Variants in SH3GL2 observed in about 807,000 individuals in gnomAD.
SH3GL2 encodes the protein SH3 domain containing GRB2 like 2, endophilin A1.
In SH3GL2, 24 loss-of-function variants were observed where a neutral mutation model predicts 46.0. That is an observed-to-expected ratio of 0.52 (90% CI 0.38 to 0.73). The LOEUF is 0.73. Ranked by LOEUF, SH3GL2 falls within the 30% of genes least tolerant of loss-of-function variation. The probability of loss-of-function intolerance (pLI) is 0.00; values close to 1 mark genes in which losing one functional copy is unlikely to be tolerated. For missense variants in SH3GL2, 413 were observed against 424.2 expected (o/e 0.97, Z 0.23); for synonymous variants, 196 against 147.1 (o/e 1.33, Z -2.40).
intron 1 of SH3GL2, among the ~76,000 whole-genome samples, chr9:17,689,901 C>T (rs923012281): frequency 3.3e-5 from 5 of 152,140 alleles, no homozygotes; most frequent in African/African-American, 1.2e-4. Flanking sequence ...CACATGAATT[C>T]GGGGACTTTG....
intron 4 of SH3GL2, 75 bp downstream of exon 4, chr9:17,786,599 G>A (rs1184996924): frequency 6.8e-6 from 10 of 1,460,088 alleles, no homozygotes; most frequent in South Asian, 1.2e-5. Flanking sequence ...AAATTCTGTA[G>A]GGAATCGGTC....
chr9:17,778,949 A>G (rs1367752109), intron 3 of SH3GL2, among the ~76,000 whole-genome samples: 4 of 152,064 alleles, frequency 2.6e-5, no homozygotes, highest in African/African-American at 9.7e-5. Flanking sequence ...TTTAGTTTGA[A>G]TATGTTAAGT....
At chr9:17,691,498 A>G (rs1285897883) in intron 1 of SH3GL2, among the ~76,000 whole-genome samples, 2 of 152,228 alleles carry the variant, frequency 1.3e-5, no homozygotes, top group East Asian at 3.9e-4. Flanking sequence ...ATCCCTATCT[A>G]ATTGATTTTT....
intron 1 of SH3GL2, among the ~76,000 whole-genome samples, chr9:17,626,945 G>C (rs572634246): frequency 6.6e-6 from 1 of 152,218 alleles, no homozygotes; most frequent in East Asian, 1.9e-4. Flanking sequence ...CCCATTACTG[G>C]TTCCCTGAGC....
chr9:17,593,197 G>A (rs1240374071), intron 1 of SH3GL2, among the ~76,000 whole-genome samples: 3 of 152,206 alleles, frequency 2.0e-5, no homozygotes, highest in Non-Finnish European at 2.9e-5. Flanking sequence ...TGAGTTCCGT[G>A]TGCTGCTCTG....
intron 2 of SH3GL2, among the ~76,000 whole-genome samples, chr9:17,756,766 A>T (rs1280335975): frequency 1.3e-5 from 2 of 152,078 alleles, no homozygotes; most frequent in Non-Finnish European, 2.9e-5. Context: ...TGCTGTTGTG[A>T]ATAGTGCCGC....
chr9:17,770,619 T>C (rs780373342), intron 3 of SH3GL2, among the ~76,000 whole-genome samples: 3 of 152,188 alleles, frequency 2.0e-5, no homozygotes, highest in Non-Finnish European at 4.4e-5. Flanking sequence ...GCCAAATCGA[T>C]GGTGCATCAC....
At chr9:17,767,720 T>C (rs1306450023) in intron 3 of SH3GL2, among the ~76,000 whole-genome samples, 2 of 152,232 alleles carry the variant, frequency 1.3e-5, no homozygotes, top group Non-Finnish European at 2.9e-5. Context: ...GCCAGAGCTT[T>C]TCCATTTCCA....
Position 17,610,995 on chromosome 9 carries a change from T to C in SH3GL2, c.45+31708T>C, listed in dbSNP as rs566945511. Among the ~76,000 whole-genome samples the C allele has an allele frequency of 2.0e-5, 3 of 152,352 alleles. No individual in the cohort carries two copies. The South Asian group carries it at 6.2e-4, about 32-fold the overall frequency. ...AAGTGTTAAATAAAACCCTTATTTC[T>C]TCTTAGTGAAGGTTCTTTCAATTGA... is the stretch of plus-strand genomic sequence containing the variant. On this transcript the variant is annotated intron_variant, in intron 1 of 8. Transcript: ENST00000380607.
chr9:17,740,579 G>A (rs931851602), intron 1 of SH3GL2, among the ~76,000 whole-genome samples: 1 of 152,184 alleles, frequency 6.6e-6, no homozygotes, highest in Admixed American at 6.5e-5. Context: ...TATCAGAGGT[G>A]ATGCCTTTCT....
intron 2 of SH3GL2, chr9:17,755,859 G>C (rs1822973448): frequency 1.3e-6 from 1 of 744,524 alleles, no homozygotes; most frequent in Non-Finnish European, 1.6e-6. Context: ...CTCTGGAAGA[G>C]TAACCCCATT....
chr9:17,795,385 C>G (rs576470029), intron 8 of SH3GL2, among the ~76,000 whole-genome samples, 159 bp from the exon 9 acceptor site: 2 of 152,250 alleles, frequency 1.3e-5, no homozygotes, highest in South Asian at 4.1e-4. Flanking sequence ...GCAGTGGACA[C>G]TAAGGTCCAG....
intron 6 of SH3GL2, among the ~76,000 whole-genome samples, chr9:17,790,119 C>G (rs902499058): frequency 4.6e-5 from 7 of 152,128 alleles, no homozygotes; most frequent in Admixed American, 3.9e-4. Flanking sequence ...CTGTGACATC[C>G]AAAGACAGGA....
At chr9:17,691,900 G>A (rs891357323) in intron 1 of SH3GL2, among the ~76,000 whole-genome samples, 8 of 152,078 alleles carry the variant, frequency 5.3e-5, no homozygotes, top group Non-Finnish European at 1.2e-4. Flanking sequence ...TTCTTTGAGA[G>A]TACATACTGA....
At chr9:17,616,676 A>G (rs999014711) in intron 1 of SH3GL2, among the ~76,000 whole-genome samples, 1 of 152,292 alleles carries the variant, frequency 6.6e-6, no homozygotes, top group Non-Finnish European at 1.5e-5. Flanking sequence ...TTTCTCCTGT[A>G]TAATTTAAAA....
intron 1 of SH3GL2, among the ~76,000 whole-genome samples, chr9:17,647,055 C>T (rs112907005): frequency 1.3e-4 from 20 of 152,292 alleles, no homozygotes; most frequent in Middle Eastern, 3.4e-3. Flanking sequence ...TGTTGCCTTT[C>T]CTCAGAGATG....
intron 1 of SH3GL2, among the ~76,000 whole-genome samples, chr9:17,734,529 T>C (rs1822271148): frequency 6.6e-6 from 1 of 152,108 alleles, no homozygotes; most frequent in Non-Finnish European, 1.5e-5. Flanking sequence ...GCCCACAGTT[T>C]TCAACCTAGT....
intron 1 of SH3GL2, among the ~76,000 whole-genome samples, chr9:17,615,745 C>T (rs1464866582): frequency 6.6e-6 from 1 of 150,898 alleles, no homozygotes; most frequent in Non-Finnish European, 1.5e-5. Flanking sequence ...AAAAAAAAAC[C>T]CACACTACTT....
At chr9:17,690,156 C>T (rs1296341817) in intron 1 of SH3GL2, among the ~76,000 whole-genome samples, 2 of 152,056 alleles carry the variant, frequency 1.3e-5, no homozygotes, top group African/African-American at 4.8e-5. Context: ...AGTTGTATAC[C>T]TCTGATTTAT....
Sources: allele counts gnomAD v4.1 joint callset (sites outside exome capture counted in the v4.1 genomes callset), GRCh38; gene constraint gnomAD v4.1.1; transcripts MANE v1.5; gene names NCBI Gene and HGNC (gene_info 2026-07-23, HGNC 2026-07-21).